The following ARHGAP22 variants were observed in gnomAD, a reference collection of about 807,000 sequenced individuals.
ARHGAP22 encodes the protein Rho GTPase activating protein 22.
Under a neutral mutation model 59.1 loss-of-function variants are expected in ARHGAP22, and 48 were observed. That is an observed-to-expected ratio of 0.81 (90% confidence interval 0.64 to 1.03). The LOEUF (loss-of-function observed/expected upper bound fraction) is 1.03, where lower values mean the gene tolerates loss of function less well. Among genes scored for constraint, ARHGAP22 ranks in the 50% least tolerant of loss-of-function variants. The pLI is 0.00. For missense variants in ARHGAP22, 1,015 were observed against 958.7 expected (o/e 1.06, Z -0.78); for synonymous variants, 445 against 416.4 (o/e 1.07, Z -0.84).
intron 3 of ARHGAP22, among the ~76,000 whole-genome samples, chr10:48,491,064 G>A (rs1206022690): frequency 3.9e-5 from 6 of 152,016 alleles, no homozygotes; most frequent in South Asian, 2.1e-4. Context: ...CCTTTATCCC[G>A]ACAATCTATT....
chr10:48,566,727 A>G (rs2058068350), intron 2 of ARHGAP22, among the ~76,000 whole-genome samples: 1 of 152,100 alleles, frequency 6.6e-6, no homozygotes, highest in South Asian at 2.1e-4. Context: ...CTCTTAGAAA[A>G]TCTTTAGCAC....
intron 3 of ARHGAP22, among the ~76,000 whole-genome samples, chr10:48,515,539 G>A (rs1294566815): frequency 6.6e-6 from 1 of 152,154 alleles, no homozygotes; most frequent in Non-Finnish European, 1.5e-5. Flanking sequence ...CAAGGAAACA[G>A]AAGACTTGAA....
chr10:48,516,792 G>T lies in ARHGAP22; in HGVS notation c.323-37028C>A, dbSNP rs147110855. ...GATATCAAAAACCAAGACATCACAA[G>T]AAAACTACAGACCAATATCTCTTAT... On this transcript the variant is annotated intron_variant, in intron 3 of 9. Coordinates refer to ENST00000249601, the MANE Select transcript of ARHGAP22 (RefSeq NM_021226.4). Among the ~76,000 whole-genome samples the T allele has an allele frequency of 8.0e-3, 1,215 of 152,206 alleles. 8 individuals are homozygous for T. The highest frequency in any genetic ancestry group is 0.014 in the Middle Eastern group (4 of 294).
At chr10:48,467,697 A>G (rs1361913769) in intron 4 of ARHGAP22, among the ~76,000 whole-genome samples, 1 of 152,208 alleles carries the variant, frequency 6.6e-6, no homozygotes, top group Admixed American at 6.5e-5. Context: ...TGTGAAAATA[A>G]ATGCATGCAT....
exon 1 of ARHGAP22, chr10:48,652,332 A>C (rs754122325): frequency 6.7e-7 from 1 of 1,488,730 alleles, no homozygotes; most frequent in South Asian, 1.2e-5. Flanking sequence ...CCTTTTTATA[A>C]AGAACCAACC....
intron 1 of ARHGAP22, among the ~76,000 whole-genome samples, chr10:48,589,911 C>T (rs1470898003): frequency 4.6e-5 from 7 of 152,142 alleles, no homozygotes; most frequent in Non-Finnish European, 1.0e-4. Flanking sequence ...GAGGAAAATC[C>T]AGCCCCAGCC....
intron 1 of ARHGAP22, among the ~76,000 whole-genome samples, chr10:48,611,173 G>A (rs1035092842): frequency 2.0e-5 from 3 of 152,210 alleles, no homozygotes; most frequent in African/African-American, 7.2e-5. Context: ...GAGTGAGTGT[G>A]GGACTGATAG....
In ARHGAP22 at chr10:48,560,750, T is replaced by C. The variant is rs575223896; in HGVS notation, c.235-5200A>G. Among the ~76,000 whole-genome samples the C allele has an allele frequency of 4.6e-5, 7 of 152,278 alleles. No individual in the cohort carries two copies. In the South Asian group the frequency reaches 1.5e-3, roughly 32 times the overall value. ...CTGTCAGATGCTTTTTCTGAATCCATGAGATGATTATTTTTTCTCTTTCTT... is the reference window on the plus strand; with the variant it reads ...CTGTCAGATGCTTTTTCTGAATCCACGAGATGATTATTTTTTCTCTTTCTT... On this transcript the variant is annotated intron_variant, in intron 2 of 9. Transcript: ENST00000249601.
chr10:48,610,689 G>C (rs183532298), intron 1 of ARHGAP22, among the ~76,000 whole-genome samples: 6 of 152,164 alleles, frequency 3.9e-5, no homozygotes, highest in Non-Finnish European at 8.8e-5. Context: ...GGGGAGGAAG[G>C]TATCAGAGCA....
intron 1 of ARHGAP22, among the ~76,000 whole-genome samples, chr10:48,633,341 A>G (rs1432234453): frequency 6.6e-6 from 1 of 152,198 alleles, no homozygotes; most frequent in African/African-American, 2.4e-5. Context: ...AAAGCTCCAA[A>G]TGTAGGGTTC....
At chr10:48,435,187 A>G in the ARHGAP22 span, 2 of 547,200 alleles carry the variant, frequency 3.7e-6, no homozygotes, top group South Asian at 7.3e-5. Context: ...ATTTCAAGTG[A>G]TGTAATTTAA....
At chr10:48,564,557 C>T (rs1050148587) in intron 2 of ARHGAP22, among the ~76,000 whole-genome samples, 1 of 152,168 alleles carries the variant, frequency 6.6e-6, no homozygotes, top group Non-Finnish European at 1.5e-5. Context: ...ATTTAAACAA[C>T]GTTAAAGTTG....
At chr10:48,466,688 G>A (rs1469617626) in intron 4 of ARHGAP22, 1 of 145,998 alleles carries the variant, frequency 6.8e-6, no homozygotes, top group Admixed American at 6.8e-5. Flanking sequence ...CGCCTATCGC[G>A]GCGGCGCGGC....
At position 48,479,634 on chromosome 10, in the gene ARHGAP22, A is replaced by G; in HGVS notation, c.451+2T>C. 6.2e-7 allele frequency: 1 copy of G among 1,613,752 alleles called. No individual in the cohort carries two copies. On this transcript the variant is annotated splice_donor_variant, in intron 4 of 9. Transcript: ENST00000249601. LOFTEE classifies it high-confidence loss of function. ...GGTGGGCATGCGATCTACGGGCAGT[A>G]CCTCCGCCCAGCGGGGCCCAGATGA...
intron 1 of ARHGAP22, among the ~76,000 whole-genome samples, chr10:48,650,212 T>C (rs1258944903): frequency 6.9e-6 from 1 of 144,026 alleles, no homozygotes; most frequent in Non-Finnish European, 1.5e-5. Flanking sequence ...ATTTTTAGAG[T>C]TGTCAAAGTG....
At chr10:48,446,744 C>T (rs1432840114) in intron 9 of ARHGAP22, 125 bp from the exon 10 acceptor site, 1 of 938,828 alleles carries the variant, frequency 1.1e-6, no homozygotes, top group East Asian at 2.6e-5. Flanking sequence ...CAGGAGGAAA[C>T]CCTGGCTCAT....
At position 48,611,275 on chromosome 10, in the gene ARHGAP22, T is replaced by C. The variant is rs140128174; in HGVS notation, c.53-28123A>G. 7.8e-3 allele frequency among the ~76,000 whole-genome samples: 1,195 copies of C among 152,278 alleles called. 6 individuals carry two copies. Among genetic ancestry groups the C allele is most frequent in the Middle Eastern group, 0.02 (6 of 294 alleles). ...CCCTAGCTTACCAGGTGTGACACCC[T>C]GGGCTAGGCAGGGTCCCTGCTTACA... On this transcript the variant is annotated intron_variant, in intron 1 of 9. Transcript: ENST00000435790.
intron 3 of ARHGAP22, among the ~76,000 whole-genome samples, chr10:48,535,383 G>T (rs955297603): frequency 6.6e-6 from 1 of 152,196 alleles, no homozygotes; most frequent in African/African-American, 2.4e-5. Context: ...AGGGACCCAG[G>T]CTCCTTCTAG....
chr10:48,634,505 G>C (rs889774574), intron 1 of ARHGAP22, among the ~76,000 whole-genome samples: 14 of 152,208 alleles, frequency 9.2e-5, no homozygotes, highest in African/African-American at 2.7e-4. Flanking sequence ...GGGTCTCTAA[G>C]AAGAGCCGCT....
Sources: gnomAD v4.1 joint callset for allele counts (sites outside exome capture counted in the v4.1 genomes callset) on GRCh38, gnomAD v4.1.1 for gene constraint, MANE v1.5 for transcripts, NCBI Gene and HGNC (gene_info 2026-07-23, HGNC 2026-07-21) for gene names.